Variants in ADK observed in about 807,000 individuals in gnomAD.
The protein encoded by ADK is adenosine kinase.
ADK carries 24 observed loss-of-function variants against 44.7 expected under a neutral mutation model. The observed-to-expected ratio is 0.54, with a 90% confidence interval of 0.39 to 0.76. The LOEUF is 0.76. Ranked by LOEUF, ADK falls within the 30% of genes least tolerant of loss-of-function variation. The pLI, the probability that ADK is intolerant of heterozygous loss-of-function variation, is 0.00. For synonymous variants in ADK, 128 were observed against 142.6 expected, an observed-to-expected ratio of 0.90 and a Z score of 0.73; for missense variants, 321 against 425.1, an observed-to-expected ratio of 0.76 and a Z score of 2.15.
At chr10:74,531,947 C>T (rs936613811) in intron 7 of ADK, among the ~76,000 whole-genome samples, 1 of 152,150 alleles carries the variant, frequency 6.6e-6, no homozygotes, top group African/African-American at 2.4e-5. Context: ...TCAGCATTAC[C>T]TTCATACCAA....
intron 6 of ADK, among the ~76,000 whole-genome samples, chr10:74,454,519 G>T (rs917108364): frequency 6.6e-6 from 1 of 152,004 alleles, no homozygotes; most frequent in Non-Finnish European, 1.5e-5. Flanking sequence ...TCCAAGTTGC[G>T]CTGCTTACTA....
At chr10:74,329,685 A>C (rs1263634172) in intron 4 of ADK, among the ~76,000 whole-genome samples, 1 of 152,226 alleles carries the variant, frequency 6.6e-6, no homozygotes, top group African/African-American at 2.4e-5. Flanking sequence ...ATTTTAATAC[A>C]TGTAGCAGAA....
chr10:74,665,773 GAGAGAGAGAC>G (rs780519307), intron 9 of ADK, among the ~76,000 whole-genome samples: 19 of 133,546 alleles, frequency 1.4e-4, no homozygotes, highest in East Asian at 8.3e-4. Flanking sequence ...GAGAGAGAGA[GAGAGAGAGAC>G]AGACAGACAG....
intron 10 of ADK, among the ~76,000 whole-genome samples, chr10:74,702,027 G>A (rs1856434286): frequency 6.6e-6 from 1 of 152,112 alleles, no homozygotes; most frequent in Non-Finnish European, 1.5e-5. Context: ...GTAGGCTCTT[G>A]TTTATGGTAG....
At chr10:74,261,374 C>A (rs929575333) in intron 3 of ADK, among the ~76,000 whole-genome samples, 4 of 152,116 alleles carry the variant, frequency 2.6e-5, no homozygotes. Flanking sequence ...AAGTTTCTCT[C>A]CTTCAGCCCT....
At chr10:74,342,030 T>A (rs1378439858) in intron 4 of ADK, among the ~76,000 whole-genome samples, 1 of 152,164 alleles carries the variant, frequency 6.6e-6, no homozygotes, top group Non-Finnish European at 1.5e-5. Flanking sequence ...AAAGCTTTAT[T>A]GAGATAAATC....
At chr10:74,540,970 A>G (rs1036146386) in intron 7 of ADK, among the ~76,000 whole-genome samples, 1 of 152,148 alleles carries the variant, frequency 6.6e-6, no homozygotes, top group Non-Finnish European at 1.5e-5. Context: ...AATAGGTGCC[A>G]TTGATTAGTC....
At chr10:74,503,520 T>C (rs560384709) in intron 6 of ADK, among the ~76,000 whole-genome samples, 1 of 152,248 alleles carries the variant, frequency 6.6e-6, no homozygotes, top group Admixed American at 6.5e-5. Flanking sequence ...AGTGTTGCAG[T>C]AGGGTTTACA....
chr10:74,707,437 T>C (rs1453782935), intron 10 of ADK, among the ~76,000 whole-genome samples: 1 of 152,018 alleles, frequency 6.6e-6, no homozygotes, highest in African/African-American at 2.4e-5. Context: ...AGAGACGGTG[T>C]TTCACCATGT....
chr10:74,672,530 G>A (rs181128467), intron 10 of ADK, among the ~76,000 whole-genome samples: 33 of 152,252 alleles, frequency 2.2e-4, no homozygotes, highest in African/African-American at 7.9e-4. Flanking sequence ...AACTAGGCAG[G>A]ACTTTACTGG....
intron 2 of ADK, among the ~76,000 whole-genome samples, chr10:74,215,200 C>T (rs1843965218): frequency 6.6e-6 from 1 of 152,142 alleles, no homozygotes; most frequent in Admixed American, 6.5e-5. Flanking sequence ...GAACTATGTT[C>T]ATGGTAAGAA....
At chr10:74,440,107 AAG>A (rs1845346127) in intron 6 of ADK, among the ~76,000 whole-genome samples, 1 of 152,122 alleles carries the variant, frequency 6.6e-6, no homozygotes, top group African/African-American at 2.4e-5. Flanking sequence ...TCTCTAAGCT[AAG>A]GCATTTAGAC....
intron 3 of ADK, among the ~76,000 whole-genome samples, chr10:74,313,012 A>G (rs927874907): frequency 1.3e-5 from 2 of 151,746 alleles, no homozygotes. Context: ...ACAAACTTAT[A>G]CAATGTCTGT....
intron 4 of ADK, among the ~76,000 whole-genome samples, chr10:74,320,709 C>A (rs1363461057): frequency 2.0e-5 from 3 of 152,050 alleles, no homozygotes; most frequent in African/African-American, 7.2e-5. Flanking sequence ...AATAGAACCC[C>A]ACTGTTTTAA....
intron 4 of ADK, among the ~76,000 whole-genome samples, chr10:74,383,171 C>T (rs1843029084): frequency 1.3e-5 from 2 of 151,972 alleles, no homozygotes; most frequent in South Asian, 4.2e-4. Flanking sequence ...TTCTGCCAAC[C>T]TTATGCCAGA....
At chr10:74,317,623 T>C (rs1019683262) in intron 4 of ADK, among the ~76,000 whole-genome samples, 9 of 151,068 alleles carry the variant, frequency 6.0e-5, no homozygotes, top group Non-Finnish European at 1.3e-4. Flanking sequence ...GCCTAAAAGA[T>C]GGCTATTATT....
chr10:74,538,456 C>T (rs1355222092), intron 7 of ADK, among the ~76,000 whole-genome samples: 3 of 152,174 alleles, frequency 2.0e-5, no homozygotes, highest in South Asian at 4.1e-4. Context: ...TAAAAAATCT[C>T]GTTTATCAAC....
At chr10:74,267,126 G>T (rs1846240092) in intron 3 of ADK, among the ~76,000 whole-genome samples, 1 of 152,154 alleles carries the variant, frequency 6.6e-6, no homozygotes, top group East Asian at 1.9e-4. Flanking sequence ...GTTTGGGGAG[G>T]ATGTATGCAG....
chr10:74,678,090 G>C (rs1855467947), intron 10 of ADK, among the ~76,000 whole-genome samples: 2 of 148,382 alleles, frequency 1.3e-5, no homozygotes, highest in African/African-American at 5.0e-5. Flanking sequence ...GCAGTGAGCT[G>C]AGGTCACGCC....
Sources: gnomAD v4.1 joint callset for allele counts (sites outside exome capture counted in the v4.1 genomes callset) on GRCh38, gnomAD v4.1.1 for gene constraint, MANE v1.5 for transcripts, NCBI Gene and HGNC (gene_info 2026-07-23, HGNC 2026-07-21) for gene names.